Variants in EIF3K observed in about 807,000 individuals in gnomAD.
EIF3K encodes the protein eIF-3 p28.
A neutral mutation model predicts 34.2 loss-of-function variants in EIF3K; 27 were observed. The observed-to-expected ratio is 0.79, with a 90% CI of 0.58 to 1.09. EIF3K has a LOEUF of 1.09. Ranked by LOEUF, EIF3K falls within the 50% of genes least tolerant of loss-of-function variation. The pLI is 0.00. For missense variants in EIF3K, 232 were observed against 275.4 expected (o/e 0.84, Z 1.11); for synonymous variants, 105 against 105.7 (o/e 0.99, Z 0.04).
At position 38,625,982 on chromosome 19, in the gene EIF3K, A is replaced by G. The variant is rs778215289; in HGVS notation, c.280-46A>G. The G allele has an allele frequency of 5.0e-6, 8 of 1,592,576 alleles. No individual in the cohort carries two copies. In the African/African-American group the frequency reaches 5.4e-5, roughly 11 times the overall value. On this transcript the variant is annotated intron_variant, in intron 3 of 7. Coordinates refer to ENST00000248342, the MANE Select transcript of EIF3K (RefSeq NM_013234.4). The stretch of plus-strand genomic sequence containing the variant: ...GTGGGGAGGGGTGATCTGGGGTCCA[A>G]CCTTACGCTCCGAGGCCAGTTTTCC...
intron 7 of EIF3K, among the ~76,000 whole-genome samples, chr19:38,636,093 C>T (rs866962870): frequency 2.6e-5 from 4 of 152,206 alleles, no homozygotes; most frequent in Admixed American, 1.3e-4. Context: ...ACTGCTGTGT[C>T]GGGGTTCTCA....
chr19:38,635,321 T>C (rs1183142072), intron 7 of EIF3K: 1 of 720,698 alleles, frequency 1.4e-6, no homozygotes, highest in African/African-American at 1.8e-5. Context: ...CCCTGGAACT[T>C]CTAGGCCCTG....
rs763050430 is a variant in EIF3K, at chr19:38,624,117, G to A, written c.199G>A (p.Ala67Thr). The A allele has an allele frequency of 2.6e-5, 42 of 1,613,978 alleles. No individual in the cohort carries two copies. Among genetic ancestry groups the A allele is most frequent in the East Asian group, 1.6e-4 (7 of 44,894 alleles). Reference sequence around the variant, plus strand: ...AGCCTTCTTTCAGACCACGGTCACCGCCCAGATCCTGCTGAAGGCCCTCAC... The same window carrying A: ...AGCCTTCTTTCAGACCACGGTCACCACCCAGATCCTGCTGAAGGCCCTCAC... Reference protein sequence around the residue: ...NPAFFQTTVTAQILLKALTNL... With the variant: ...NPAFFQTTVTTQILLKALTNL... Residue 67 changes from alanine to threonine, a missense_variant, in exon 3 of 8, where the codon GCC (alanine) becomes ACC (threonine). Coordinates refer to ENST00000248342, the MANE Select transcript of EIF3K (RefSeq NM_013234.4).
At chr19:38,632,972 C>G (rs1976102572) in intron 6 of EIF3K, 1 of 371,326 alleles carries the variant, frequency 2.7e-6, no homozygotes, top group Non-Finnish European at 4.9e-6. Context: ...ATGGAGGTAG[C>G]AAAGCACATG....
intron 4 of EIF3K, 61 bp from the exon 5 acceptor site, chr19:38,632,369 A>C: frequency 6.5e-7 from 1 of 1,530,560 alleles, no homozygotes; most frequent in Non-Finnish European, 9.0e-7. Flanking sequence ...CTATAAATAA[A>C]TAAAAATAAA....
chr19:38,636,287 C>T (rs370252091), intron 7 of EIF3K, among the ~76,000 whole-genome samples: 6 of 152,250 alleles, frequency 3.9e-5, no homozygotes, highest in South Asian at 2.1e-4. Context: ...CCAGCCCTGC[C>T]GGGGGAGTAG....
At chr19:38,622,600 T>C (rs1975865786) in intron 2 of EIF3K, among the ~76,000 whole-genome samples, 2 of 152,224 alleles carry the variant, frequency 1.3e-5, no homozygotes, top group East Asian at 3.8e-4. Context: ...CCACTGTCAT[T>C]GATAACATCT....
chr19:38,631,643 C>T (rs1171522250), intron 4 of EIF3K, among the ~76,000 whole-genome samples: 2 of 152,190 alleles, frequency 1.3e-5, no homozygotes. Flanking sequence ...AAGAGGCGTT[C>T]CTTCCTCTTT....
At position 38,620,400 on chromosome 19, in the gene EIF3K, C is replaced by T; in HGVS notation, c.123C>T (p.Ala41=). 6.2e-7 allele frequency: 1 copy of T among 1,614,034 alleles called. No homozygotes were observed. The highest frequency in any genetic ancestry group is 8.5e-7 in the Non-Finnish European group (1 of 1,179,986). The change falls in exon 2 of 8, where the codon GCC becomes GCT. Residue 41 remains alanine (A), a synonymous_variant. Transcript: ENST00000248342. ...RYVETQAKEN[A]YDLEANLAVL... ...TAGAGACGCAGGCCAAGGAAAATGC[C>T]TATGATCTGGAAGCCAACCTGGCTG...
rs1255143951 is a variant in EIF3K at position 38,632,695 on chromosome 19, C to A, written c.499+17C>A. The A allele has an allele frequency of 2.4e-5, 39 of 1,603,320 alleles. No individual in the cohort carries two copies. The highest frequency in any genetic ancestry group is 3.2e-5 in the Non-Finnish European group (38 of 1,174,194). ...ATCTGTCGGGTAACGCCCTCTGGGT[C>A]CTGGTGCACATCTGGGAGGTTGGGG... On this transcript the variant is annotated intron_variant, in intron 6 of 7. Coordinates refer to ENST00000248342, the MANE Select transcript of EIF3K (RefSeq NM_013234.4).
chr19:38,623,765 T>A (rs1409938202), intron 2 of EIF3K, among the ~76,000 whole-genome samples: 1 of 152,178 alleles, frequency 6.6e-6, no homozygotes, highest in African/African-American at 2.4e-5. Flanking sequence ...GCAGGGAAGT[T>A]TAAACCGAGG....
chr19:38,629,844 T>C (rs1300585419), intron 4 of EIF3K, among the ~76,000 whole-genome samples: 2 of 151,926 alleles, frequency 1.3e-5, no homozygotes, highest in Admixed American at 1.3e-4. Context: ...AGCGAGTAGG[T>C]GGAGGTGAGG....
chr19:38,621,451 G>T (rs1026533495), intron 2 of EIF3K, among the ~76,000 whole-genome samples: 2 of 152,138 alleles, frequency 1.3e-5, no homozygotes, highest in African/African-American at 4.8e-5. Flanking sequence ...ACATGTACAG[G>T]CTAATACATT....
At chr19:38,632,320 A>AT in intron 4 of EIF3K, 110 bp from the exon 5 acceptor site, 1 of 1,042,844 alleles carries the variant, frequency 9.6e-7, no homozygotes, top group South Asian at 1.5e-5. Flanking sequence ...GAGCCCAGAA[A>AT]TTCAAGACCA....
At chr19:38,628,865 C>T (rs1225771796) in intron 4 of EIF3K, among the ~76,000 whole-genome samples, 3 of 152,112 alleles carry the variant, frequency 2.0e-5, no homozygotes, top group South Asian at 4.2e-4. Context: ...CTCCCCTGTC[C>T]CCAGCTGCAG....
chr19:38,621,726 C>T (rs1975844394), intron 2 of EIF3K, among the ~76,000 whole-genome samples: 1 of 152,132 alleles, frequency 6.6e-6, no homozygotes, highest in South Asian at 2.1e-4. Context: ...CTGCATTTGC[C>T]ATTTGCTACT....
intron 7 of EIF3K, 159 bp downstream of exon 7, chr19:38,635,277 G>A (rs1040301633): frequency 9.5e-6 from 10 of 1,047,276 alleles, no homozygotes; most frequent in Admixed American, 9.2e-5. Flanking sequence ...TGGGGCTCCC[G>A]CCCAGGAGGA....
chr19:38,620,519 T>G, intron 2 of EIF3K, 84 bp downstream of exon 2: 1 of 1,176,802 alleles, frequency 8.5e-7, no homozygotes, highest in South Asian at 1.3e-5. Context: ...GGGTGGCTGG[T>G]AGTATCCTGA....
rs2233000 is a variant in EIF3K, at chr19:38,626,166, G to C, written c.354+64G>C. On this transcript the variant is annotated intron_variant, in intron 4 of 7. Coordinates refer to ENST00000248342, the MANE Select transcript of EIF3K (RefSeq NM_013234.4). ...GGCCATGTGGAGCTGAGTGCTAAAA[G>C]TAACAACGGTGCACACTGACTGGCT... 2.0e-4 allele frequency: 290 copies of C among 1,458,078 alleles called. 2 individuals are homozygous for C. In the East Asian group the frequency reaches 5.8e-3, roughly 29 times the overall value. The allele number at this position is 1,458,078 out of a possible 1,614,324, so 90.3% of individuals were successfully genotyped here. A position where few individuals can be genotyped will look rare whatever the true frequency, so the allele number is the denominator to read the frequency against.
Sources: allele counts gnomAD v4.1 joint callset (sites outside exome capture counted in the v4.1 genomes callset), GRCh38; gene constraint gnomAD v4.1.1; transcripts MANE v1.5; gene names NCBI Gene and HGNC (gene_info 2026-07-23, HGNC 2026-07-21).